MYO5A: variants seen among roughly 807,000 people sequenced by gnomAD.
MYO5A encodes the protein myosin VA.
In MYO5A, 98 loss-of-function variants were observed where a neutral mutation model predicts 249.7. The ratio of observed to expected loss-of-function variants is 0.39; its 90% confidence interval spans 0.33 to 0.46. MYO5A has a LOEUF of 0.46. MYO5A is among the 20% of genes least tolerant of loss of function. The pLI, the probability that MYO5A is intolerant of heterozygous loss-of-function variation, is 0.98. For synonymous variants in MYO5A, 778 were observed against 810.6 expected, an observed-to-expected ratio of 0.96 and a Z score of 0.68; for missense variants, 1,696 against 2,308.8, an observed-to-expected ratio of 0.73 and a Z score of 5.44.
intron 35 of MYO5A, among the ~76,000 whole-genome samples, chr15:52,329,620 G>A (rs528133516): frequency 1.4e-4 from 22 of 152,108 alleles, no homozygotes; most frequent in East Asian, 5.8e-4. Flanking sequence ...TTACACTGCC[G>A]TCCTTGACCT....
At chr15:52,427,836 G>A (rs1348727214) in intron 3 of MYO5A, among the ~76,000 whole-genome samples, 1 of 152,082 alleles carries the variant, frequency 6.6e-6, no homozygotes, top group Admixed American at 6.6e-5. Flanking sequence ...AAGAAGGAAA[G>A]CTGGAGAAGG....
chr15:52,323,789 G>C, intron 36 of MYO5A: 1 of 309,548 alleles, frequency 3.2e-6, no homozygotes, highest in South Asian at 3.0e-5. Context: ...GGATTGCCTG[G>C]GGTCAGGAGT....
chr15:52,413,022 C>G (rs1323544204), intron 5 of MYO5A, among the ~76,000 whole-genome samples: 2 of 151,948 alleles, frequency 1.3e-5, no homozygotes, highest in Non-Finnish European at 2.9e-5. Context: ...TGGCATGTGC[C>G]TGTAATCCCA....
At chr15:52,315,437 C>CA in intron 40 of MYO5A, among the ~76,000 whole-genome samples, 1 of 151,920 alleles carries the variant, frequency 6.6e-6, no homozygotes, top group African/African-American at 2.4e-5. Context: ...TGCAGTGGCA[C>CA]AATCTTGGCT....
At chr15:52,490,453 T>C (rs918648000) in intron 1 of MYO5A, among the ~76,000 whole-genome samples, 6 of 152,052 alleles carry the variant, frequency 3.9e-5, no homozygotes, top group Admixed American at 1.3e-4. Flanking sequence ...GGATGAACCT[T>C]GAGGAAATTC....
chr15:52,330,614 GC>G, intron 34 of MYO5A, 115 bp from the exon 35 acceptor site: 1 of 1,242,738 alleles, frequency 8.0e-7, no homozygotes, highest in Non-Finnish European at 1.1e-6. Flanking sequence ...TGCCATATTT[GC>G]CACTTAATTG....
chr15:52,398,231 CT>C (rs564481865), intron 9 of MYO5A, among the ~76,000 whole-genome samples: 273 of 152,274 alleles, frequency 1.8e-3, no homozygotes, highest in Non-Finnish European at 3.1e-3. Flanking sequence ...ATTTGTGTGA[CT>C]TTTTATATTA....
At chr15:52,384,125 G>A (rs752512041) in intron 15 of MYO5A, 36 bp downstream of exon 15, 1 of 1,613,252 alleles carries the variant, frequency 6.2e-7, no homozygotes, top group Non-Finnish European at 8.5e-7. Flanking sequence ...GAGCCAGAAA[G>A]GAAGGAGCGT....
At chr15:52,494,645 A>C (rs2077001906) in intron 1 of MYO5A, among the ~76,000 whole-genome samples, 1 of 152,104 alleles carries the variant, frequency 6.6e-6, no homozygotes, top group South Asian at 2.1e-4. Context: ...GGCACACACC[A>C]CCACGTCCGG....
At chr15:52,375,212 C>T (rs973165233) in intron 20 of MYO5A, 92 bp downstream of exon 20, 4 of 1,352,072 alleles carry the variant, frequency 3.0e-6, no homozygotes, top group African/African-American at 2.9e-5. Flanking sequence ...ACAGTTCCTA[C>T]CTTCATTGTA....
At position 52,375,314 on chromosome 15, in the gene MYO5A, C is replaced by T; in HGVS notation, c.2567G>A (p.Arg856Lys). 6.2e-7 allele frequency: 1 copy of T among 1,614,080 alleles called. No homozygotes were observed. The highest frequency in any genetic ancestry group is 8.5e-7 in the Non-Finnish European group (1 of 1,179,976). The change falls in exon 20 of 42, where the codon AGG (arginine) becomes AAG (lysine). Residue 856 changes from arginine to lysine, a missense_variant. Arg to Lys is a conservative substitution (Grantham distance 26, BLOSUM62 2). Transcript: ENST00000399233. Reference sequence around the variant, plus strand: ...AAAATAATGCCTCACCTTGCGATACCTATTTCTGGCCAAGAAGCCTCGCAA... The same window carrying T: ...AAAATAATGCCTCACCTTGCGATACTTATTTCTGGCCAAGAAGCCTCGCAA... ...SYLRGFLARNRYRKILREHKA... is the reference protein window; with the variant it reads ...SYLRGFLARNKYRKILREHKA...
rs376330241 is a variant in MYO5A at position 52,351,364 on chromosome 15, C to T, written c.3739G>A (p.Val1247Ile). Residue 1247 changes from valine (V) to isoleucine (I), a missense_variant, in exon 28 of 42, where the codon GTC (valine) becomes ATC (isoleucine). Physicochemically the swap from Val to Ile is conservative, Grantham distance 29. Coordinates refer to ENST00000399233, the MANE Select transcript of MYO5A (RefSeq NM_001382347.1). ...VTAPGAPAYR[V>I]LMEQLTSVSE... The stretch of plus-strand genomic sequence containing the variant: ...ACAGAGGTCAGCTGCTCCATGAGGA[C>T]ACGGTAGGCAGGTGCACCTGGGGCG... The T allele has an allele frequency of 6.2e-7, 1 of 1,614,086 alleles. No individual in the cohort carries two copies. The highest frequency in any genetic ancestry group is 1.3e-5 in the African/African-American group (1 of 74,924).
intron 35 of MYO5A, among the ~76,000 whole-genome samples, chr15:52,330,076 C>T (rs2038816261): frequency 6.6e-6 from 1 of 150,630 alleles, no homozygotes; most frequent in African/African-American, 2.5e-5. Context: ...AGAGATACAT[C>T]AGTATGGTTC....
rs2040930877 is a variant in MYO5A at position 52,368,541 on chromosome 15, T to G, written c.3067-1417A>C. 2.0e-5 allele frequency among the ~76,000 whole-genome samples: 3 copies of G among 152,204 alleles called. No individual in the cohort carries two copies. The South Asian group carries it at 6.2e-4, about 32-fold the overall frequency. ...TCCTTGATCAGACTGAGAATGTCAT[T>G]TTCCTGACCATGAAGCTGACTGTCA... On this transcript the variant is annotated intron_variant, in intron 22 of 41. Coordinates refer to ENST00000399233, the MANE Select transcript of MYO5A (RefSeq NM_001382347.1).
intron 20 of MYO5A, among the ~76,000 whole-genome samples, chr15:52,374,117 C>A (rs549093738): frequency 6.6e-6 from 1 of 152,146 alleles, no homozygotes; most frequent in South Asian, 2.1e-4. Context: ...TGAAATATAG[C>A]CTGTAGGATA....
In MYO5A at chr15:52,307,335, A is replaced by G. The variant is rs1174937488; in HGVS notation, c.*6361T>C. ...GTTTCCATAATAGCTAGGAGAATACAGCATTAATGACACACATTTACTAAG... is the reference window on the plus strand; with the variant it reads ...GTTTCCATAATAGCTAGGAGAATACGGCATTAATGACACACATTTACTAAG... On this transcript the variant is annotated 3_prime_UTR_variant, in exon 42 of 42. Coordinates refer to ENST00000399233, the MANE Select transcript of MYO5A (RefSeq NM_001382347.1). 6.7e-6 allele frequency: 1 copy of G among 150,310 alleles called. No individual in the cohort carries two copies. Among genetic ancestry groups the G allele is most frequent in the Non-Finnish European group, 1.5e-5 (1 of 67,222 alleles). 9.3% of individuals were successfully genotyped at this position (150,310 alleles called of 1,614,324 possible). A position where few individuals can be genotyped will look rare whatever the true frequency, so the allele number is the denominator to read the frequency against.
In MYO5A at chr15:52,389,274, T is replaced by A. The variant is rs375148419; in HGVS notation, c.1632A>T (p.Ser544=). ...KCALFEKPRL[S]NKAFIIQHFA... is the part of the protein sequence containing the mutation. ...AATGTTGGATGATGAAAGCTTTGTTTGATAGACGAGGCTTTTCAAAGAGTG... is the reference window on the plus strand; with the variant it reads ...AATGTTGGATGATGAAAGCTTTGTTAGATAGACGAGGCTTTTCAAAGAGTG... Residue 544 remains serine, a synonymous_variant, in exon 13 of 42, where the codon TCA becomes TCT. Transcript: ENST00000399233. 1.2e-5 allele frequency: 19 copies of A among 1,613,700 alleles called. No homozygotes were observed. In the East Asian group the frequency reaches 4.2e-4, roughly 36 times the overall value.
chr15:52,509,863 C>CTG (rs1457665903), intron 1 of MYO5A, among the ~76,000 whole-genome samples: 3 of 151,948 alleles, frequency 2.0e-5, no homozygotes, highest in Non-Finnish European at 2.9e-5. Flanking sequence ...AGTGAACAAT[C>CTG]TGTGCCATTC....
At chr15:52,407,501 T>C (rs1412797277) in intron 7 of MYO5A, 102 bp from the exon 8 acceptor site, 4 of 730,690 alleles carry the variant, frequency 5.5e-6, no homozygotes, top group Non-Finnish European at 9.7e-6. Flanking sequence ...CAGTTGAGTG[T>C]ACAGCATCTA....
Sources: gnomAD v4.1 joint callset for allele counts (sites outside exome capture counted in the v4.1 genomes callset) on GRCh38, gnomAD v4.1.1 for gene constraint, MANE v1.5 for transcripts, NCBI Gene and HGNC (gene_info 2026-07-23, HGNC 2026-07-21) for gene names.